Variants in PCDH11X observed in about 807,000 individuals in gnomAD.
PCDH11X encodes protocadherin-11 X-linked.
PCDH11X carries 18 observed loss-of-function variants against 53.3 expected under a neutral mutation model. The ratio of observed to expected loss-of-function variants is 0.34; its 90% confidence interval spans 0.23 to 0.50. The LOEUF is 0.50. PCDH11X is among the 20% of genes least tolerant of loss of function. The pLI is 0.98. For missense variants in PCDH11X, 570 were observed against 1,032.4 expected (o/e 0.55, Z 6.14); for synonymous variants, 279 against 393.3 (o/e 0.71, Z 3.44).
At chrX:91,780,358 C>G (rs996381338) in intron 1 of PCDH11X, among the ~76,000 whole-genome samples, 10 of 112,048 alleles carry the variant, frequency 8.9e-5, no homozygotes, top group African/African-American at 3.2e-4. Flanking sequence ...TCAGCCAGCA[C>G]CTGCTGGATG....
chrX:91,847,895 T>G (rs1937774558), intron 5 of PCDH11X, among the ~76,000 whole-genome samples: 1 of 112,337 alleles, frequency 8.9e-6, no homozygotes. Context: ...AGATTTCTAT[T>G]TCCTTTGATA....
chrX:91,907,408 C>CAGAGAG lies in PCDH11X; in HGVS notation c.3033+28136_3033+28137insGAGAGA, dbSNP rs1361235635. Among the ~76,000 whole-genome samples, 120 of 66,035 alleles carry CAGAGAG rather than the reference C, an allele frequency of 1.8e-3. 1 individual carries two copies. Among genetic ancestry groups the CAGAGAG allele is most frequent in the African/African-American group, 7.2e-3 (113 of 15,647 alleles). The allele number at this position is 66,035 out of a possible 115,157, so 57.3% of individuals were successfully genotyped here. Reference sequence around the variant, plus strand: ...ACACACACACACACACACACACACACACACAGAGAGAGAGAGAGAGAGAGA... The same window carrying CAGAGAG: ...ACACACACACACACACACACACACACAGAGAGACACAGAGAGAGAGAGAGAGAGAGA... On this transcript the variant is annotated intron_variant, in intron 6 of 10. Coordinates refer to ENST00000682573, the MANE Select transcript of PCDH11X (RefSeq NM_032968.5).
Position 92,302,642 on chromosome X carries a change from T to C in PCDH11X, c.3144+39499T>C, listed in dbSNP as rs1352264247. ...AGACTTCCACAGATTGTGAAGGGGC[T>C]TGTATGTCACACTGGGAAATTTTAA... is the stretch of plus-strand genomic sequence containing the variant. On this transcript the variant is annotated intron_variant, in intron 8 of 10. Transcript: ENST00000682573. Among the ~76,000 whole-genome samples, 16 of 110,323 alleles carry C rather than the reference T, an allele frequency of 1.5e-4. No homozygotes were observed. In the Admixed American group the frequency reaches 1.6e-3, roughly 11 times the overall value.
intron 6 of PCDH11X, among the ~76,000 whole-genome samples, chrX:92,132,060 TC>T (rs2064981568): frequency 1.0e-5 from 1 of 95,843 alleles, no homozygotes; most frequent in Non-Finnish European, 2.1e-5. Flanking sequence ...TCACCTGAGG[TC>T]AGGCGTTCGA....
At chrX:91,925,013 A>T (rs1032377849) in intron 6 of PCDH11X, among the ~76,000 whole-genome samples, 4 of 110,003 alleles carry the variant, frequency 3.6e-5, no homozygotes, top group African/African-American at 9.9e-5. Context: ...GTGTTAAAAA[A>T]TTTTTGAAAA....
chrX:91,809,711 G>T (rs1429786363), intron 2 of PCDH11X, among the ~76,000 whole-genome samples, 77 bp downstream of exon 2: 1 of 105,761 alleles, frequency 9.5e-6, no homozygotes, highest in Non-Finnish European at 1.9e-5. Context: ...ATTTCAAGTG[G>T]TTAATAGGCA....
At chrX:92,407,868 T>G (rs1451640102) in intron 9 of PCDH11X, among the ~76,000 whole-genome samples, 1 of 111,173 alleles carries the variant, frequency 9.0e-6, no homozygotes, top group Non-Finnish European at 1.9e-5. Flanking sequence ...ATTAAAGTGT[T>G]TTTTTTTGTT....
At chrX:92,398,542 A>C (rs992047519) in intron 9 of PCDH11X, among the ~76,000 whole-genome samples, 1 of 112,161 alleles carries the variant, frequency 8.9e-6, no homozygotes, top group African/African-American at 3.2e-5. Flanking sequence ...AATACCCATA[A>C]GATTTTTAAA....
chrX:92,594,786 CTGAATTAA>C (rs760614822), intron 10 of PCDH11X, among the ~76,000 whole-genome samples: 38 of 106,627 alleles, frequency 3.6e-4, no homozygotes, highest in African/African-American at 1.3e-3. Flanking sequence ...ATTACATAGA[CTGAATTAA>C]TGAAAAACCA....
intron 6 of PCDH11X, among the ~76,000 whole-genome samples, chrX:91,973,182 G>A (rs868587657): frequency 2.0e-4 from 21 of 104,133 alleles, no homozygotes; most frequent in African/African-American, 4.6e-4. Flanking sequence ...GTAAACTATC[G>A]CAAGAACAGA....
Position 92,576,003 on chromosome X carries a change from TATATATATACACAC to T in PCDH11X, c.3368-42259_3368-42246del, listed in dbSNP as rs1256571852. ...GTATATATATATATATATATATATA[TATATATATACACAC>T]ACACACACACACACACACACAGGTG... On this transcript the variant is annotated intron_variant, in intron 10 of 10. Coordinates refer to ENST00000682573, the MANE Select transcript of PCDH11X (RefSeq NM_032968.5). Among the ~76,000 whole-genome samples, 192 of 35,206 alleles carry T rather than the reference TATATATATACACAC, an allele frequency of 5.5e-3. 3 individuals carry two copies. Among genetic ancestry groups the T allele is most frequent in the African/African-American group, 0.03 (182 of 6,011 alleles). The allele number at this position is 35,206 out of a possible 115,157, so 30.6% of individuals were successfully genotyped here.
At chrX:91,998,734 AT>A (rs1446199061) in intron 6 of PCDH11X, among the ~76,000 whole-genome samples, 1 of 109,487 alleles carries the variant, frequency 9.1e-6, no homozygotes, top group African/African-American at 3.3e-5. Context: ...CTTTTATGTA[AT>A]TTTTTCCTCT....
intron 10 of PCDH11X, among the ~76,000 whole-genome samples, chrX:92,566,777 G>T (rs1205548850): frequency 8.9e-6 from 1 of 111,849 alleles, no homozygotes. Context: ...CTTTTTGCCA[G>T]TTAGAAAAGT....
chrX:92,267,257 C>T (rs1022406768), intron 8 of PCDH11X, among the ~76,000 whole-genome samples: 2 of 111,588 alleles, frequency 1.8e-5, no homozygotes, highest in African/African-American at 6.5e-5. Flanking sequence ...AGGGTTTGCA[C>T]AAATGGCCAG....
intron 6 of PCDH11X, among the ~76,000 whole-genome samples, chrX:91,998,630 A>G (rs187949794): frequency 2.2e-3 from 249 of 110,915 alleles, no homozygotes; most frequent in African/African-American, 7.9e-3. Context: ...TGTTAACTCT[A>G]GTCTTAGTCC....
At chrX:91,982,965 A>G (rs2062165480) in intron 6 of PCDH11X, 1 of 1,141,552 alleles carries the variant, frequency 8.8e-7, no homozygotes, top group Non-Finnish European at 1.2e-6. Context: ...ATTAGTGTGA[A>G]GTTGGAATTC....
intron 6 of PCDH11X, among the ~76,000 whole-genome samples, chrX:92,159,500 G>A (rs1209748367): frequency 9.3e-6 from 1 of 107,823 alleles, no homozygotes; most frequent in Non-Finnish European, 1.9e-5. Flanking sequence ...CCTGAGAAAG[G>A]GTTATGATAC....
At chrX:91,822,971 T>C (rs1936752188) in intron 4 of PCDH11X, among the ~76,000 whole-genome samples, 1 of 110,412 alleles carries the variant, frequency 9.1e-6, no homozygotes. Flanking sequence ...AGTTTCCATG[T>C]AGTTGAGCGG....
At position 91,842,880 on chromosome X, in the gene PCDH11X, CACTT is replaced by C. The variant is rs779840516; in HGVS notation, c.540+6838_540+6841del. On this transcript the variant is annotated intron_variant, in intron 5 of 10. Coordinates refer to ENST00000682573, the MANE Select transcript of PCDH11X (RefSeq NM_032968.5). ...TAATTTACATTTGTCTTTGCGATCT[CACTT>C]AATCTGGAATTTTATTTTATGTAGA... Among the ~76,000 whole-genome samples, 916 of 97,791 alleles carry C rather than the reference CACTT, an allele frequency of 9.4e-3. 15 individuals are homozygous for C. Among genetic ancestry groups the C allele is most frequent in the African/African-American group, 0.033 (868 of 26,268 alleles). 84.9% of individuals were successfully genotyped at this position (97,791 alleles called of 115,157 possible). A position where few individuals can be genotyped will look rare whatever the true frequency, so the allele number is the denominator to read the frequency against.
Sources: gnomAD v4.1 joint callset for allele counts (sites outside exome capture counted in the v4.1 genomes callset) on GRCh38, gnomAD v4.1.1 for gene constraint, MANE v1.5 for transcripts, NCBI Gene and HGNC (gene_info 2026-07-23, HGNC 2026-07-21) for gene names.